EFCAB5: variants seen among roughly 807,000 people sequenced by gnomAD.
The protein encoded by EFCAB5 is EF-hand calcium-binding domain-containing protein 5.
Under a neutral mutation model 167.9 loss-of-function variants are expected in EFCAB5, and 131 were observed. The ratio of observed to expected loss-of-function variants is 0.78; its 90% CI spans 0.68 to 0.90. The LOEUF (loss-of-function observed/expected upper bound fraction) is 0.90, where lower values mean the gene tolerates loss of function less well. EFCAB5 is among the 40% of genes least tolerant of loss of function. The probability of loss-of-function intolerance (pLI) is 0.00; values close to 1 mark genes in which losing one functional copy is unlikely to be tolerated. For synonymous variants in EFCAB5, 574 were observed against 602.8 expected, an observed-to-expected ratio of 0.95 and a Z score of 0.70; for missense variants, 1,663 against 1,745.2, an observed-to-expected ratio of 0.95 and a Z score of 0.84.
At chr17:30,092,770 C>A in intron 21 of EFCAB5, 70 bp from the exon 22 acceptor site, 1 of 1,001,770 alleles carries the variant, frequency 1.0e-6, no homozygotes. Flanking sequence ...ATTATGTAAG[C>A]TGTTGAACTG....
At chr17:30,054,625 T>G (rs1169482638) in intron 10 of EFCAB5, among the ~76,000 whole-genome samples, 1 of 152,368 alleles carries the variant, frequency 6.6e-6, no homozygotes, top group East Asian at 1.9e-4. Context: ...ATGTCTTTGG[T>G]CAGAATTTAG....
chr17:29,962,053 G>T (rs375301218), intron 3 of EFCAB5, among the ~76,000 whole-genome samples: 2 of 152,242 alleles, frequency 1.3e-5, no homozygotes, highest in East Asian at 3.9e-4. Context: ...CTATATGTCT[G>T]TCCTTACTCC....
intron 1 of EFCAB5, among the ~76,000 whole-genome samples, chr17:29,934,937 C>G (rs1386658032): frequency 6.6e-6 from 1 of 151,988 alleles, no homozygotes; most frequent in Non-Finnish European, 1.5e-5. Context: ...ATCTATAACT[C>G]ATTCATTGCA....
intron 4 of EFCAB5, among the ~76,000 whole-genome samples, chr17:29,986,570 G>A (rs1168300530): frequency 6.6e-6 from 1 of 150,618 alleles, no homozygotes; most frequent in Non-Finnish European, 1.5e-5. Context: ...ATTATTTCTG[G>A]CCAGGTCCAA....
chr17:29,986,969 A>G (rs889056769), intron 4 of EFCAB5, among the ~76,000 whole-genome samples: 3 of 152,046 alleles, frequency 2.0e-5, no homozygotes, highest in African/African-American at 4.8e-5. Flanking sequence ...TTTGATAAAT[A>G]CTGAGACCAG....
intron 8 of EFCAB5, among the ~76,000 whole-genome samples, chr17:30,045,933 T>A (rs970834480): frequency 6.6e-6 from 1 of 152,132 alleles, no homozygotes; most frequent in African/African-American, 2.4e-5. Flanking sequence ...TCCCAGCTAT[T>A]CAGGAGGCTG....
chr17:30,096,187 T>G (rs907941979), intron 22 of EFCAB5, among the ~76,000 whole-genome samples: 1 of 152,214 alleles, frequency 6.6e-6, no homozygotes, highest in African/African-American at 2.4e-5. Context: ...GCAAACCCCC[T>G]GCTTTTCAGT....
At chr17:30,079,394 T>C (rs546094775) in intron 15 of EFCAB5, among the ~76,000 whole-genome samples, 8 of 152,246 alleles carry the variant, frequency 5.3e-5, no homozygotes, top group African/African-American at 1.7e-4. Flanking sequence ...AACCCAAATA[T>C]ATAGAAAGAG....
At chr17:29,980,775 T>TAAC (rs1398957277) in intron 4 of EFCAB5, among the ~76,000 whole-genome samples, 2 of 152,230 alleles carry the variant, frequency 1.3e-5, no homozygotes, top group Non-Finnish European at 2.9e-5. Context: ...TATCTTTGGT[T>TAAC]CAAACACCTT....
At chr17:30,105,353 G>A (rs1346175345) in intron 22 of EFCAB5, among the ~76,000 whole-genome samples, 1 of 152,132 alleles carries the variant, frequency 6.6e-6, no homozygotes, top group Non-Finnish European at 1.5e-5. Context: ...CAGGCCTGGT[G>A]ATGGGCGTCT....
chr17:29,996,788 G>T (rs1421637487), intron 6 of EFCAB5, among the ~76,000 whole-genome samples: 1 of 152,108 alleles, frequency 6.6e-6, no homozygotes, highest in East Asian at 1.9e-4. Flanking sequence ...TCCTTAGTTT[G>T]AATTTCCTTG....
rs115623573 is a variant in EFCAB5, at chr17:30,055,661, T to C, written c.2195-227T>C. Among the ~76,000 whole-genome samples, 648 of 152,338 alleles carry C rather than the reference T, an allele frequency of 4.3e-3. 3 individuals are homozygous for C. The highest frequency in any genetic ancestry group is 0.014 in the African/African-American group (596 of 41,586). The stretch of plus-strand genomic sequence containing the variant: ...GTGGCTGAGAAATGTAGCCTCATTT[T>C]GCATGGCCAAATTGGATACAATAAC... On this transcript the variant is annotated intron_variant, in intron 10 of 22. Coordinates refer to ENST00000394835, the MANE Select transcript of EFCAB5 (RefSeq NM_198529.4).
chr17:30,021,439 A>C (rs1422662917), intron 7 of EFCAB5, among the ~76,000 whole-genome samples: 1 of 147,942 alleles, frequency 6.8e-6, no homozygotes, highest in Admixed American at 6.8e-5. Context: ...AATGTTTATT[A>C]AATATTTATA....
chr17:30,105,882 C>T (rs909644979), intron 22 of EFCAB5, among the ~76,000 whole-genome samples: 5 of 152,098 alleles, frequency 3.3e-5, no homozygotes, highest in African/African-American at 9.7e-5. Flanking sequence ...AAGTCAGCTT[C>T]AAATAAAAAT....
intron 4 of EFCAB5, among the ~76,000 whole-genome samples, chr17:29,981,724 T>A (rs2068179836): frequency 1.3e-5 from 2 of 152,166 alleles, no homozygotes; most frequent in South Asian, 4.1e-4. Context: ...TGCTTTTTGG[T>A]TTTTAGATAC....
chr17:29,969,626 T>C (rs565245146), intron 4 of EFCAB5, among the ~76,000 whole-genome samples: 1 of 152,324 alleles, frequency 6.6e-6, no homozygotes, highest in Non-Finnish European at 1.5e-5. Context: ...TTTATTTATC[T>C]GCCTGCACTG....
At chr17:29,950,082 C>T (rs2067477120) in intron 3 of EFCAB5, among the ~76,000 whole-genome samples, 1 of 152,138 alleles carries the variant, frequency 6.6e-6, no homozygotes, top group Non-Finnish European at 1.5e-5. Flanking sequence ...GTTTGAATTG[C>T]ATGGGTCCAC....
chr17:30,080,943 A>G lies in EFCAB5; in HGVS notation c.3388A>G (p.Ile1130Val). Residue 1130 changes from isoleucine (I) to valine (V), a missense_variant, in exon 17 of 23, where the codon ATA becomes GTA. Physicochemically the swap from Ile to Val is conservative, Grantham distance 29 (BLOSUM62 3). Transcript: ENST00000394835. ...AVDTLRDPHE[I>V]NIFLPHEIRF... is the part of the protein sequence containing the mutation. ...TGATACCCTTAGAGATCCCCACGAA[A>G]TAAACATCTTTCTACCTCATGAGAT... 2 of 1,613,418 alleles carry G rather than the reference A, an allele frequency of 1.2e-6. No homozygotes were observed. The highest frequency in any genetic ancestry group is 1.7e-6 in the Non-Finnish European group (2 of 1,179,844).
intron 7 of EFCAB5, among the ~76,000 whole-genome samples, chr17:30,029,951 T>A (rs965481124): frequency 6.6e-6 from 1 of 152,182 alleles, no homozygotes; most frequent in Non-Finnish European, 1.5e-5. Context: ...ATTCATTACA[T>A]TGGGACTTAG....
Sources: gnomAD v4.1 joint callset for allele counts (sites outside exome capture counted in the v4.1 genomes callset) on GRCh38, gnomAD v4.1.1 for gene constraint, MANE v1.5 for transcripts, NCBI Gene and HGNC (gene_info 2026-07-23, HGNC 2026-07-21) for gene names.